Variants in PCDHGA2 observed in about 807,000 individuals in gnomAD.
PCDHGA2 encodes the protein protocadherin gamma subfamily A, 2, also known as protocadherin gamma-A2.
PCDHGA2 carries 40 observed loss-of-function variants against 59.2 expected under a neutral mutation model. That is an observed-to-expected ratio of 0.68 (90% CI 0.52 to 0.88). The LOEUF is 0.88. Ranked by LOEUF, PCDHGA2 falls within the 40% of genes least tolerant of loss-of-function variation. The probability of loss-of-function intolerance (pLI) is 0.00; values close to 1 mark genes in which losing one functional copy is unlikely to be tolerated. For synonymous variants in PCDHGA2, 560 were observed against 526.0 expected, an observed-to-expected ratio of 1.06 and a Z score of -0.89; for missense variants, 1,226 against 1,204.0, an observed-to-expected ratio of 1.02 and a Z score of -0.27.
At chr5:141,466,180 A>AT (rs922532578) in intron 1 of PCDHGA2, among the ~76,000 whole-genome samples, 11 of 151,256 alleles carry the variant, frequency 7.3e-5, no homozygotes, top group South Asian at 2.1e-4. Context: ...TTTTATTTTT[A>AT]TTTTTTTTCA....
At chr5:141,395,067 AC>A (rs1479370833) in intron 1 of PCDHGA2, 1 of 1,613,888 alleles carries the variant, frequency 6.2e-7, no homozygotes, top group African/African-American at 1.3e-5. Flanking sequence ...TTTCCTGCAG[AC>A]CTATTCCCAG....
In PCDHGA2 at chr5:141,404,317, C is replaced by T. The variant is rs375857083; in HGVS notation, c.2424+62922C>T. On this transcript the variant is annotated intron_variant, in intron 1 of 3. Transcript: ENST00000394576. ...ATAATCCACCTGCTTTCTCTCAAGC[C>T]TCCTACTCAGTCTACCTCCCGGAAA... 6.2e-6 allele frequency: 10 copies of T among 1,613,780 alleles called. No homozygotes were observed. In the African/African-American group the frequency reaches 1.2e-4, roughly 19 times the overall value.
rs560084217 is a variant in PCDHGA2 at position 141,395,247 on chromosome 5, G to A, written c.2424+53852G>A. On this transcript the variant is annotated intron_variant, in intron 1 of 3. Transcript: ENST00000394576. ...AGCTGATCATGGTCAGGTGAGTTTA[G>A]TTCTTTGCTTGCTTTTAATTTCCAG... 4 of 1,561,194 alleles carry A rather than the reference G, an allele frequency of 2.6e-6. No individual in the cohort carries two copies. The East Asian group carries it at 9.1e-5, about 35-fold the overall frequency.
At position 141,477,592 on chromosome 5, in the gene PCDHGA2, T is replaced by G; in HGVS notation, c.2425-17215T>G. On this transcript the variant is annotated intron_variant, in intron 1 of 3. Coordinates refer to ENST00000394576, the MANE Select transcript of PCDHGA2 (RefSeq NM_018915.4). The surrounding 1 kb of genome is among the most constrained non-coding windows in gnomAD (Gnocchi z 4.9). ...CCGACGCCCCGCAGAATGCTCGGCT[T>G]TCTTTCTTTCTCTTGGAGCAAGGAG... The G allele has an allele frequency of 6.2e-7, 1 of 1,614,142 alleles. No homozygotes were observed. Among genetic ancestry groups the G allele is most frequent in the Non-Finnish European group, 8.5e-7 (1 of 1,180,014 alleles).
intron 1 of PCDHGA2, chr5:141,357,295 G>T (rs774772455): frequency 6.2e-7 from 1 of 1,613,930 alleles, no homozygotes; most frequent in South Asian, 1.1e-5. Flanking sequence ...GGCAGTGGCC[G>T]CTGTCTCCTG....
chr5:141,400,694 C>G, intron 1 of PCDHGA2: 2 of 763,776 alleles, frequency 2.6e-6, no homozygotes, highest in Non-Finnish European at 4.2e-6. Flanking sequence ...GTTTTTATGT[C>G]GCATAAAAGA....
intron 1 of PCDHGA2, chr5:141,410,302 A>C: frequency 1.2e-6 from 2 of 1,613,356 alleles, no homozygotes; most frequent in Non-Finnish European, 1.7e-6. Flanking sequence ...CCTTAATCTC[A>C]GTGCTCTTCC....
rs1758338902 is a variant in PCDHGA2, at chr5:141,349,687, G to A, written c.2424+8292G>A. Among the ~76,000 whole-genome samples, 3 of 151,866 alleles carry A rather than the reference G, an allele frequency of 2.0e-5. No individual in the cohort carries two copies. The South Asian group carries it at 6.2e-4, about 32-fold the overall frequency. ...GCTTATTCCAATGAATTTACAGAAA[G>A]GTAGGTATTTTAGTCAACTAAAAAT... is the stretch of plus-strand genomic sequence containing the variant. On this transcript the variant is annotated intron_variant, in intron 1 of 3. Transcript: ENST00000394576.
chr5:141,393,460 A>T, intron 1 of PCDHGA2: 1 of 1,614,052 alleles, frequency 6.2e-7, no homozygotes, highest in Non-Finnish European at 8.5e-7. Flanking sequence ...ACGGCCTCGG[A>T]TGGCGGCAAG....
At chr5:141,415,502 A>C (rs1162629839) in intron 1 of PCDHGA2, 6 of 1,614,086 alleles carry the variant, frequency 3.7e-6, no homozygotes, top group Admixed American at 1.7e-5. Flanking sequence ...ATCTTCCCCC[A>C]GCCCAATTAT....
chr5:141,339,517 G>T lies in PCDHGA2; in HGVS notation c.546G>T (p.Val182=), dbSNP rs1756845950. The T allele has an allele frequency of 6.2e-7, 1 of 1,614,032 alleles. No individual in the cohort carries two copies. Among genetic ancestry groups the T allele is most frequent in the South Asian group, 1.1e-5 (1 of 91,082 alleles). Residue 182 remains valine, a synonymous_variant, in exon 1 of 4, where the codon GTG becomes GTT. Transcript: ENST00000394576. ...CAAATGACCACTTCTCCCTGGACGT[G>T]CGAAGGGGAGCTGATGGGAACAAGT... The part of the protein sequence containing the change: ...LNPNDHFSLD[V]RRGADGNKYP...
rs542839794 is a variant in PCDHGA2 at position 141,342,808 on chromosome 5, G to A, written c.2424+1413G>A. 26 of 152,266 alleles carry A rather than the reference G, an allele frequency of 1.7e-4. 1 individual carries two copies. The highest frequency in any genetic ancestry group is 3.9e-4 in the Admixed American group (6 of 15,292). The allele number at this position is 152,266 out of a possible 1,614,324, so 9.4% of individuals were successfully genotyped here. The stretch of plus-strand genomic sequence containing the variant: ...TATATTTCTGTGCTTGGAAACTTAT[G>A]GGGAAAGAGATTCTGGAACATAAAA... On this transcript the variant is annotated intron_variant, in intron 1 of 3. Coordinates refer to ENST00000394576, the MANE Select transcript of PCDHGA2 (RefSeq NM_018915.4).
At chr5:141,381,603 T>C (rs751788788) in intron 1 of PCDHGA2, among the ~76,000 whole-genome samples, 4 of 152,242 alleles carry the variant, frequency 2.6e-5, no homozygotes, top group African/African-American at 4.8e-5. Context: ...TTCTTATGAA[T>C]TCACAGCCCA....
intron 1 of PCDHGA2, among the ~76,000 whole-genome samples, chr5:141,347,637 A>G (rs1050531280): frequency 6.6e-6 from 1 of 152,108 alleles, no homozygotes; most frequent in African/African-American, 2.4e-5. Flanking sequence ...AAATACAAAA[A>G]TTAGCTGGGC....
intron 1 of PCDHGA2, among the ~76,000 whole-genome samples, chr5:141,405,839 G>C (rs2094725144): frequency 6.6e-6 from 1 of 152,134 alleles, no homozygotes; most frequent in African/African-American, 2.4e-5. Context: ...AGTATAAGTT[G>C]ATATCAGTGT....
chr5:141,505,742 G>A (rs1024914690), intron 3 of PCDHGA2, among the ~76,000 whole-genome samples: 1 of 152,150 alleles, frequency 6.6e-6, no homozygotes, highest in Non-Finnish European at 1.5e-5. Flanking sequence ...TACAAGTCTA[G>A]CTCTGGAATG....
At chr5:141,392,625 C>T (rs939952294) in intron 1 of PCDHGA2, 4 of 567,662 alleles carry the variant, frequency 7.0e-6, no homozygotes, top group Non-Finnish European at 8.9e-6. Context: ...CGAAAACACT[C>T]AGATCTCACA....
At chr5:141,387,197 T>C (rs1417433412) in intron 1 of PCDHGA2, among the ~76,000 whole-genome samples, 1 of 152,220 alleles carries the variant, frequency 6.6e-6, no homozygotes, top group East Asian at 1.9e-4. Flanking sequence ...AATTTTGGTA[T>C]TACTGATACT....
intron 1 of PCDHGA2, chr5:141,392,627 G>T: frequency 1.7e-6 from 1 of 584,572 alleles, no homozygotes; most frequent in Non-Finnish European, 2.9e-6. Flanking sequence ...AAAACACTCA[G>T]ATCTCACACC....
Sources: gnomAD v4.1 joint callset for allele counts (sites outside exome capture counted in the v4.1 genomes callset) on GRCh38, gnomAD v4.1.1 for gene constraint, Gnocchi (gnomAD v3.1) non-coding constraint, MANE v1.5 for transcripts, NCBI Gene and HGNC (gene_info 2026-07-23, HGNC 2026-07-21) for gene names.